The following PSPC1 variants were observed in gnomAD, a reference collection of about 807,000 sequenced individuals.
The protein encoded by PSPC1 is paraspeckle component 1.
A neutral mutation model predicts 51.6 loss-of-function variants in PSPC1; 14 were observed. The observed-to-expected ratio is 0.27, with a 90% CI of 0.18 to 0.42. PSPC1 has a LOEUF of 0.42. PSPC1 is among the 10% of genes least tolerant of loss of function. The pLI, the probability that PSPC1 is intolerant of heterozygous loss-of-function variation, is 1.00. For missense variants in PSPC1, 406 were observed against 701.1 expected (o/e 0.58, Z 4.75); for synonymous variants, 193 against 231.9 (o/e 0.83, Z 1.53).
chr13:19,768,226 C>T (rs1441781877), intron 2 of PSPC1, among the ~76,000 whole-genome samples: 1 of 150,002 alleles, frequency 6.7e-6, no homozygotes, highest in African/African-American at 2.5e-5. Flanking sequence ...CCGTGTCCCC[C>T]CCCAAAAAAA....
intron 2 of PSPC1, among the ~76,000 whole-genome samples, chr13:19,761,706 G>C (rs1677610284): frequency 6.6e-6 from 1 of 152,200 alleles, no homozygotes; most frequent in African/African-American, 2.4e-5. Flanking sequence ...CAAAGGTAAA[G>C]AGACTTAAGA....
chr13:19,685,829 T>A (rs960826956), intron 6 of PSPC1, among the ~76,000 whole-genome samples: 6 of 152,216 alleles, frequency 3.9e-5, no homozygotes, highest in Non-Finnish European at 7.3e-5. Flanking sequence ...AGACTTGAGT[T>A]TCTCATTTCC....
At chr13:19,678,085 C>T (rs1593508041) in intron 6 of PSPC1, 1 of 283,076 alleles carries the variant, frequency 3.5e-6, no homozygotes, top group East Asian at 1.1e-4. Flanking sequence ...GTCCTAAATA[C>T]CAAATAATTT....
chr13:19,736,429 A>G lies in PSPC1; in HGVS notation c.1052+5136T>C, dbSNP rs865846296. Among the ~76,000 whole-genome samples, 17 of 152,236 alleles carry G rather than the reference A, an allele frequency of 1.1e-4. No homozygotes were observed. In the South Asian group the frequency reaches 2.7e-3, roughly 24 times the overall value. On this transcript the variant is annotated intron_variant, in intron 5 of 8. Transcript: ENST00000338910. ...CCACGCACAGTGGCTCAAGCCTGTA[A>G]TCCCAGCACTTTGGGAGGCCGAGGC...
At chr13:19,700,035 A>C (rs936048209), downstream of PSPC1, among the ~76,000 whole-genome samples, 1 of 151,970 alleles carries the variant, frequency 6.6e-6, no homozygotes, top group Non-Finnish European at 1.5e-5. Flanking sequence ...AACCCTTTTT[A>C]AAGCTTTTAC....
chr13:19,698,047 G>GA (rs1431998562), downstream of PSPC1, among the ~76,000 whole-genome samples: 4 of 152,048 alleles, frequency 2.6e-5, no homozygotes, highest in African/African-American at 9.7e-5. Context: ...AACAGTCACA[G>GA]AAGCCTGGTT....
intron 6 of PSPC1, among the ~76,000 whole-genome samples, chr13:19,724,323 T>C (rs1205067407): frequency 6.6e-6 from 1 of 152,200 alleles, no homozygotes; most frequent in African/African-American, 2.4e-5. Context: ...AATGGAATTT[T>C]TTTTTTTACC....
Position 19,761,939 on chromosome 13 carries a change from G to C in PSPC1, c.675-2521C>G, listed in dbSNP as rs183271095. On this transcript the variant is annotated intron_variant, in intron 2 of 8. Transcript: ENST00000338910. ...AGAGAAACTTCAGAAACAGAATTAAGAGGGAAAAATGAACTAAGCAGATGA... is the reference window on the plus strand; with the variant it reads ...AGAGAAACTTCAGAAACAGAATTAACAGGGAAAAATGAACTAAGCAGATGA... 4.2e-3 allele frequency among the ~76,000 whole-genome samples: 643 copies of C among 152,238 alleles called. 2 individuals carry two copies. Among genetic ancestry groups the C allele is most frequent in the Non-Finnish European group, 6.8e-3 (463 of 68,026 alleles).
chr13:19,737,837 C>T lies in PSPC1; in HGVS notation c.1052+3728G>A, dbSNP rs116911607. On this transcript the variant is annotated intron_variant, in intron 5 of 8. Transcript: ENST00000338910. ...TGGTGGCACATGCCTGTAATATCAG[C>T]GCTTTCGGAGGCTGAGGCAGGAAAG... Among the ~76,000 whole-genome samples the T allele has an allele frequency of 4.6e-3, 699 of 152,188 alleles. 5 individuals are homozygous for T. Among genetic ancestry groups the T allele is most frequent in the South Asian group, 0.027 (130 of 4,824 alleles).
downstream of PSPC1, chr13:19,673,202 C>A: frequency 2.3e-6 from 1 of 432,682 alleles, no homozygotes; most frequent in South Asian, 1.7e-5. Flanking sequence ...TGTGTGGGAG[C>A]CACCACCCTC....
chr13:19,689,211 G>C (rs957223881), intron 6 of PSPC1, among the ~76,000 whole-genome samples: 5 of 152,216 alleles, frequency 3.3e-5, no homozygotes, highest in African/African-American at 1.2e-4. Flanking sequence ...ACAGCAGCCA[G>C]TTCAGACTAG....
At chr13:19,704,224 C>G (rs1375587409) in intron 8 of PSPC1, among the ~76,000 whole-genome samples, 4 of 152,266 alleles carry the variant, frequency 2.6e-5, no homozygotes, top group Admixed American at 6.5e-5. Flanking sequence ...AGCTTTCAAA[C>G]ATATCACTAT....
chr13:19,732,932 AAAAAGAAAAAG>A (rs1464791867), intron 5 of PSPC1, among the ~76,000 whole-genome samples: 1 of 149,888 alleles, frequency 6.7e-6, no homozygotes, highest in South Asian at 2.1e-4. Context: ...ATCTCAAAAA[AAAAAGAAAAAG>A]AAAAAGAAAA....
chr13:19,748,937 C>T (rs111231068), intron 4 of PSPC1, among the ~76,000 whole-genome samples: 1 of 152,028 alleles, frequency 6.6e-6, no homozygotes, highest in East Asian at 1.9e-4. Flanking sequence ...TGGCTGGGCA[C>T]GGTGGCTCAT....
chr13:19,687,408 C>T (rs1878031221), intron 6 of PSPC1, among the ~76,000 whole-genome samples: 1 of 152,074 alleles, frequency 6.6e-6, no homozygotes, highest in African/African-American at 2.4e-5. Flanking sequence ...GTATCTCAGC[C>T]CCCTAACCTA....
At chr13:19,725,614 A>G (rs1883284623) in intron 6 of PSPC1, among the ~76,000 whole-genome samples, 1 of 150,038 alleles carries the variant, frequency 6.7e-6, no homozygotes, top group Non-Finnish European at 1.5e-5. Context: ...TAAACAAAAC[A>G]AAACAAAACA....
intron 1 of PSPC1, 108 bp from the exon 2 acceptor site, chr13:19,772,651 G>T: frequency 1.0e-6 from 1 of 989,348 alleles, no homozygotes; most frequent in Non-Finnish European, 1.5e-6. Context: ...TGGCTGACAG[G>T]GTCAATTTGA....
Position 19,691,871 on chromosome 13 carries a change from T to C in PSPC1, c.1159-14048A>G, listed in dbSNP as rs567054431. Among the ~76,000 whole-genome samples, 4 of 151,826 alleles carry C rather than the reference T, an allele frequency of 2.6e-5. No homozygotes were observed. The East Asian group carries it at 5.9e-4, about 22-fold the overall frequency. On this transcript the variant is annotated intron_variant and NMD_transcript_variant, in intron 6 of 7. Coordinates refer to the PSPC1 transcript ENST00000471658. ...AGGTGGATGTTGCAGTGAGCAGAGA[T>C]TGCACCACTGTACCCTAGACTGAGT...
intron 3 of PSPC1, among the ~76,000 whole-genome samples, chr13:19,758,312 CAA>C (rs369838526): frequency 8.0e-6 from 1 of 125,284 alleles, no homozygotes; most frequent in African/African-American, 3.0e-5. Flanking sequence ...GACTCCGTCT[CAA>C]AAAAAAAAAA....
Sources: gnomAD v4.1 joint callset for allele counts (sites outside exome capture counted in the v4.1 genomes callset) on GRCh38, gnomAD v4.1.1 for gene constraint, MANE v1.5 for transcripts, NCBI Gene and HGNC (gene_info 2026-07-23, HGNC 2026-07-21) for gene names.